F13A1: variants seen among roughly 807,000 people sequenced by gnomAD.
F13A1 encodes the protein FSF, A subunit.
In F13A1, 47 loss-of-function variants were observed where a neutral mutation model predicts 80.1. The ratio of observed to expected loss-of-function variants is 0.59; its 90% confidence interval spans 0.46 to 0.75. The LOEUF (loss-of-function observed/expected upper bound fraction) is 0.75, where lower values mean the gene tolerates loss of function less well. Ranked by LOEUF, F13A1 falls within the 30% of genes least tolerant of loss-of-function variation. F13A1 has a pLI of 0.00. For synonymous variants in F13A1, 349 were observed against 344.9 expected (o/e 1.01, Z -0.13); for missense variants, 817 against 930.4 (o/e 0.88, Z 1.59).
chr6:6,205,738 T>A (rs2151085123), intron 8 of F13A1, among the ~76,000 whole-genome samples: 1 of 152,102 alleles, frequency 6.6e-6, no homozygotes, highest in Non-Finnish European at 1.5e-5. Flanking sequence ...GTGTAGTACC[T>A]CCAAATGGAA....
chr6:6,217,050 A>G lies in F13A1; in HGVS notation c.1112+4983T>C, dbSNP rs1178845226. 7.7e-5 allele frequency among the ~76,000 whole-genome samples: 11 copies of G among 142,258 alleles called. No homozygotes were observed. In the South Asian group the frequency reaches 1.2e-3, roughly 16 times the overall value. 93.3% of individuals were successfully genotyped at this position (142,258 alleles called of 152,430 possible). A position where few individuals can be genotyped will look rare whatever the true frequency, so the allele number is the denominator to read the frequency against. On this transcript the variant is annotated intron_variant, in intron 8 of 14. Coordinates refer to ENST00000264870, the MANE Select transcript of F13A1 (RefSeq NM_000129.4). ...ACAACAGGTGCTGGAGAGGATGTGG[A>G]GAAATAGGAACACTTTTACACTATT...
chr6:6,262,521 C>T (rs1166229586), intron 4 of F13A1, among the ~76,000 whole-genome samples: 2 of 152,142 alleles, frequency 1.3e-5, no homozygotes, highest in African/African-American at 4.8e-5. Context: ...CTCCACAGGC[C>T]AAGTAATGAA....
intron 8 of F13A1, among the ~76,000 whole-genome samples, chr6:6,205,408 A>T (rs1761468562): frequency 6.6e-6 from 1 of 152,208 alleles, no homozygotes; most frequent in Non-Finnish European, 1.5e-5. Flanking sequence ...TCAACGCTAA[A>T]TGCAGTTCTA....
At chr6:6,263,123 C>T (rs1476448669) in intron 4 of F13A1, among the ~76,000 whole-genome samples, 1 of 152,192 alleles carries the variant, frequency 6.6e-6, no homozygotes, top group Non-Finnish European at 1.5e-5. Flanking sequence ...TAAAATAACA[C>T]CCACTCTCTC....
At chr6:6,179,818 A>G (rs1028153344) in intron 11 of F13A1, among the ~76,000 whole-genome samples, 1 of 151,938 alleles carries the variant, frequency 6.6e-6, no homozygotes, top group African/African-American at 2.4e-5. Flanking sequence ...TCCTTGCTAA[A>G]CTCTAGAGGC....
intron 11 of F13A1, 114 bp downstream of exon 11, chr6:6,181,874 G>T: frequency 8.8e-7 from 1 of 1,141,634 alleles, no homozygotes. Context: ...TTCTGCTGTT[G>T]CTACCAAATG....
intron 12 of F13A1, among the ~76,000 whole-genome samples, chr6:6,169,975 G>A (rs958402760): frequency 2.0e-5 from 3 of 152,132 alleles, no homozygotes; most frequent in East Asian, 3.8e-4. Context: ...GGAATGACCC[G>A]CTCTCGTATT....
At chr6:6,227,452 T>C (rs78046623) in intron 6 of F13A1, among the ~76,000 whole-genome samples, 4,188 of 152,318 alleles carry the variant, frequency 0.027, 194 homozygotes, top group African/African-American at 0.094. Flanking sequence ...TATAGAGTCA[T>C]GAAATGACTG....
intron 10 of F13A1, among the ~76,000 whole-genome samples, chr6:6,189,790 G>A (rs868624519): frequency 5.3e-5 from 8 of 151,292 alleles, no homozygotes; most frequent in Non-Finnish European, 7.4e-5. Context: ...GATTGGGGAA[G>A]TTCTCCTGGA....
chr6:6,152,461 ATAAGT>A (rs1309390552), intron 13 of F13A1, among the ~76,000 whole-genome samples: 1 of 152,228 alleles, frequency 6.6e-6, no homozygotes, highest in Non-Finnish European at 1.5e-5. Flanking sequence ...GGATACTAAA[ATAAGT>A]AAAGGAGATT....
chr6:6,159,586 G>T (rs1370094534), intron 13 of F13A1, among the ~76,000 whole-genome samples: 1 of 152,108 alleles, frequency 6.6e-6, no homozygotes, highest in East Asian at 1.9e-4. Context: ...GGGCTGGACT[G>T]GGTCCCCTCA....
intron 10 of F13A1, among the ~76,000 whole-genome samples, chr6:6,188,022 T>C (rs1032265896): frequency 2.0e-5 from 3 of 151,800 alleles, no homozygotes; most frequent in African/African-American, 2.4e-5. Flanking sequence ...GAGGTGTTTG[T>C]AGTACTCTCT....
At chr6:6,210,355 T>C (rs1420916144) in intron 8 of F13A1, among the ~76,000 whole-genome samples, 1 of 41,776 alleles carries the variant, frequency 2.4e-5, no homozygotes, top group Non-Finnish European at 4.9e-5. Context: ...ATATTTCTTT[T>C]TTTTTTTTAG....
chr6:6,154,911 T>C lies in F13A1; in HGVS notation c.1909-2962A>G, dbSNP rs527395154. Among the ~76,000 whole-genome samples, 128 of 152,312 alleles carry C rather than the reference T, an allele frequency of 8.4e-4. 2 individuals are homozygous for C. The South Asian group carries it at 0.026, about 31-fold the overall frequency. ...GTGTTTGCTATGATCACTATATTCT[T>C]TCTGGAAAAAATATTTTGGAGCCAT... On this transcript the variant is annotated intron_variant, in intron 13 of 14. Transcript: ENST00000264870.
intron 2 of F13A1, among the ~76,000 whole-genome samples, chr6:6,312,765 G>A (rs1561688512): frequency 6.6e-6 from 1 of 152,004 alleles, no homozygotes; most frequent in African/African-American, 2.4e-5. Context: ...GGCTAAGAAG[G>A]GGAAGATTAA....
chr6:6,298,944 G>C (rs1221562278), intron 3 of F13A1, among the ~76,000 whole-genome samples: 1 of 148,486 alleles, frequency 6.7e-6, no homozygotes, highest in Non-Finnish European at 1.5e-5. Context: ...GGCAGGCCTG[G>C]TGGTGACAAA....
At chr6:6,248,516 A>T in intron 5 of F13A1, 97 bp from the exon 6 acceptor site, 2 of 917,084 alleles carry the variant, frequency 2.2e-6, no homozygotes, top group Non-Finnish European at 3.4e-6. Flanking sequence ...CCTAATGTTT[A>T]GAAATGTGTG....
chr6:6,315,582 A>T (rs566107599), intron 2 of F13A1, among the ~76,000 whole-genome samples: 2 of 152,348 alleles, frequency 1.3e-5, no homozygotes, highest in African/African-American at 4.8e-5. Flanking sequence ...TACACTCAGT[A>T]TACCTTAGAA....
intron 3 of F13A1, among the ~76,000 whole-genome samples, chr6:6,283,458 G>T (rs932229800): frequency 1.3e-5 from 2 of 152,144 alleles, no homozygotes; most frequent in Non-Finnish European, 2.9e-5. Flanking sequence ...GAATGTCTTT[G>T]CTCATAGGTA....
Sources: gnomAD v4.1 joint callset for allele counts (sites outside exome capture counted in the v4.1 genomes callset) on GRCh38, gnomAD v4.1.1 for gene constraint, MANE v1.5 for transcripts, NCBI Gene and HGNC (gene_info 2026-07-23, HGNC 2026-07-21) for gene names.